The following LRIF1 variants were observed in gnomAD, a reference collection of about 807,000 sequenced individuals.
The protein encoded by LRIF1 is ligand-dependent nuclear receptor-interacting factor 1.
A neutral mutation model predicts 52.7 loss-of-function variants in LRIF1; 32 were observed. That is an observed-to-expected ratio of 0.61 (90% CI 0.46 to 0.82). The LOEUF (loss-of-function observed/expected upper bound fraction) is 0.82. LRIF1 is among the 40% of genes least tolerant of loss of function. The pLI is 0.00. For synonymous variants in LRIF1, 323 were observed against 317.4 expected (o/e 1.02, Z -0.19); for missense variants, 887 against 892.0 (o/e 0.99, Z 0.07).
At chr1:110,894,846 A>G in the LRIF1 span, 2 of 762,864 alleles carry the variant, frequency 2.6e-6, no homozygotes, top group Non-Finnish European at 2.3e-6. Context: ...AGTTCTGAGG[A>G]GACCATTTGG....
the LRIF1 span, among the ~76,000 whole-genome samples, chr1:110,912,568 T>TCC: frequency 7.8e-4 from 119 of 152,218 alleles, no homozygotes; most frequent in African/African-American, 2.7e-3. Flanking sequence ...AGGAATGTAA[T>TCC]CCCATTCATG....
chr1:110,948,319 A>G lies in LRIF1; in HGVS notation c.1950T>C (p.Tyr650=). 1 of 1,614,086 alleles carries G rather than the reference A, an allele frequency of 6.2e-7. No homozygotes were observed. Among genetic ancestry groups the G allele is most frequent in the Non-Finnish European group, 8.5e-7 (1 of 1,179,978 alleles). The change falls in exon 4 of 4, where the codon TAT becomes TAC. Residue 650 remains tyrosine (Y), a synonymous_variant. Transcript: ENST00000369763. ...TAGCTTCCCCATTTATGATTGCGTTATAAGCATTCTCTGTTTTTCTCTTCT... is the reference window on the plus strand; with the variant it reads ...TAGCTTCCCCATTTATGATTGCGTTGTAAGCATTCTCTGTTTTTCTCTTCT... ...HIKKRKTENA[Y]NAIINGEANV...
In LRIF1 at chr1:110,947,981, C is replaced by T. The variant is rs190274947; in HGVS notation, c.2288G>A (p.Arg763His). The change falls in exon 4 of 4, where the codon CGT becomes CAT. Residue 763 changes from arginine to histidine, a missense_variant. Arg to His is a conservative substitution (Grantham distance 29). Transcript: ENST00000369763. ...REKEAALEEM[R>H]KKMHQK ...ATTTTATTTTTGGTGCATCTTCTTA[C>T]GCATTTCTTCAAGAGCTGCTTCTTT... 2.6e-5 allele frequency: 41 copies of T among 1,582,188 alleles called. No homozygotes were observed. The highest frequency in any genetic ancestry group is 2.5e-5 in the Non-Finnish European group (29 of 1,167,598).
intron 1 of LRIF1, among the ~76,000 whole-genome samples, chr1:110,954,029 G>T (rs1284343452): frequency 6.6e-6 from 1 of 152,056 alleles, no homozygotes; most frequent in Non-Finnish European, 1.5e-5. Flanking sequence ...ACCTAGCATG[G>T]TCTTAGATAA....
At chr1:110,886,646 C>T in the LRIF1 span, among the ~76,000 whole-genome samples, 65,371 of 151,260 alleles carry the variant, frequency 0.43, 15,652 homozygotes, top group Admixed American at 0.56. Flanking sequence ...GTCAGGCATG[C>T]GAGACCAGCC....
downstream of LRIF1, chr1:110,943,524 C>A (rs79358669): frequency 6.6e-6 from 1 of 152,120 alleles, no homozygotes; most frequent in Admixed American, 6.6e-5. Context: ...ATGATTACTA[C>A]GTGTCAGGTA....
At chr1:110,932,523 C>T in the LRIF1 span, among the ~76,000 whole-genome samples, 1 of 152,092 alleles carries the variant, frequency 6.6e-6, no homozygotes, top group Non-Finnish European at 1.5e-5. Context: ...TGTGAAGAAA[C>T]TCAGTGGTAG....
chr1:110,891,586 C>A, the LRIF1 span: 7 of 759,932 alleles, frequency 9.2e-6, no homozygotes, highest in African/African-American at 5.2e-5. Flanking sequence ...TGGGTCATGT[C>A]CAGCACAACC....
chr1:110,960,364 A>G (rs920895745), intron 1 of LRIF1, among the ~76,000 whole-genome samples: 6 of 152,150 alleles, frequency 3.9e-5, no homozygotes, highest in Non-Finnish European at 7.4e-5. Flanking sequence ...ATCACAAAAT[A>G]AAACACTGTA....
chr1:110,915,668 G>A, the LRIF1 span, among the ~76,000 whole-genome samples: 503 of 152,242 alleles, frequency 3.3e-3, no homozygotes, highest in African/African-American at 0.012. Context: ...TGATTGTGAA[G>A]GAATATGCAG....
chr1:110,906,853 G>A, the LRIF1 span, among the ~76,000 whole-genome samples: 1 of 151,924 alleles, frequency 6.6e-6, no homozygotes, highest in Non-Finnish European at 1.5e-5. Context: ...AAATACAAAA[G>A]GTCAAAACAA....
downstream of LRIF1, among the ~76,000 whole-genome samples, chr1:110,946,204 CATT>C (rs1658199708): frequency 6.6e-6 from 1 of 152,102 alleles, no homozygotes; most frequent in African/African-American, 2.4e-5. Flanking sequence ...ACCTTGAAAA[CATT>C]AGACTAAGTA....
chr1:110,921,449 T>C, the LRIF1 span, among the ~76,000 whole-genome samples: 4 of 152,008 alleles, frequency 2.6e-5, no homozygotes, highest in African/African-American at 9.7e-5. Flanking sequence ...TGTAAAACAA[T>C]TAAAGGTCCA....
chr1:110,957,470 C>CAAAAAGAAAA (rs1658750650), intron 1 of LRIF1, among the ~76,000 whole-genome samples: 1 of 42,802 alleles, frequency 2.3e-5, no homozygotes, highest in East Asian at 9.1e-4. Context: ...GACTCAGTCT[C>CAAAAAGAAAA]AAAAAAAAAA....
At chr1:110,934,367 C>T in the LRIF1 span, among the ~76,000 whole-genome samples, 11 of 152,232 alleles carry the variant, frequency 7.2e-5, no homozygotes, top group South Asian at 4.1e-4. Flanking sequence ...TGGCAACAGG[C>T]GGATCAAGAA....
the LRIF1 span, among the ~76,000 whole-genome samples, chr1:110,908,402 C>A: frequency 6.6e-6 from 1 of 152,136 alleles, no homozygotes; most frequent in Admixed American, 6.5e-5. Context: ...GGTTCTCAAC[C>A]AGACTGAAAT....
rs540838474 is a variant in LRIF1, at chr1:110,958,234, G to C, written c.68+5387C>G. ...CCAGAGAGATCTCTTTGCTATTCTG[G>C]AATATGCCATGTATATTACATTATT... On this transcript the variant is annotated intron_variant, in intron 1 of 3. Transcript: ENST00000369763. 1.4e-4 allele frequency among the ~76,000 whole-genome samples: 22 copies of C among 152,166 alleles called. 2 individuals carry two copies. Among genetic ancestry groups the C allele is most frequent in the African/African-American group, 4.3e-4 (18 of 41,494 alleles).
chr1:110,950,041 T>G lies in LRIF1; in HGVS notation c.1679A>C (p.Lys560Thr). The G allele has an allele frequency of 6.2e-7, 1 of 1,613,954 alleles. No individual in the cohort carries two copies. Among genetic ancestry groups the G allele is most frequent in the Non-Finnish European group, 8.5e-7 (1 of 1,179,856 alleles). The change falls in exon 3 of 4, where the codon AAG becomes ACG. Residue 560 changes from lysine to threonine, a missense_variant. Physicochemically the swap from Lys to Thr is moderately conservative, Grantham distance 78. Transcript: ENST00000369763. ...DKKDSQGRSN[K>T]ALHLKSDAEF... ...AGCATCACTCTTCAGATGTAATGCC[T>G]TATTACTTCTTCCTTGAGAATCTTT...
the LRIF1 span, among the ~76,000 whole-genome samples, chr1:110,876,773 TA>T: frequency 2.6e-5 from 4 of 152,092 alleles, no homozygotes; most frequent in African/African-American, 9.7e-5. Context: ...CCCATCCCTT[TA>T]AAAAAATGAC....
Sources: allele counts gnomAD v4.1 joint callset (sites outside exome capture counted in the v4.1 genomes callset), GRCh38; gene constraint gnomAD v4.1.1; transcripts MANE v1.5; gene names NCBI Gene and HGNC (gene_info 2026-07-23, HGNC 2026-07-21).